The following OR51B5 variants were observed in gnomAD, a reference collection of about 807,000 sequenced individuals.
OR51B5 encodes the protein olfactory receptor family 51 subfamily B member 5, also known as olfactory receptor 51B5.
For missense variants in OR51B5, 456 were observed against 374.6 expected (o/e 1.22, Z -1.79); for synonymous variants, 186 against 144.8 (o/e 1.28, Z -2.04).
At chr11:5,472,718 A>T (rs1381346488) in intron 1 of OR51B5, among the ~76,000 whole-genome samples, 2 of 152,226 alleles carry the variant, frequency 1.3e-5, no homozygotes, top group Non-Finnish European at 2.9e-5. Flanking sequence ...ATTTTGTAGG[A>T]GAGCTGACGC....
intron 1 of OR51B5, among the ~76,000 whole-genome samples, chr11:5,376,068 C>T (rs1446680965): frequency 6.6e-6 from 1 of 152,064 alleles, no homozygotes; most frequent in Non-Finnish European, 1.5e-5. Flanking sequence ...GGAAGTAAAG[C>T]TCTCCTCAGC....
chr11:5,343,691 T>G, upstream of OR51B5: 1 of 522,762 alleles, frequency 1.9e-6, no homozygotes, highest in Non-Finnish European at 3.3e-6. Context: ...TCAGGGTTAC[T>G]CATACTATTT....
chr11:5,343,166 C>T (rs369290068), exon 1 of OR51B5: 147 of 1,613,746 alleles, frequency 9.1e-5, no homozygotes, highest in African/African-American at 3.7e-4. Context: ...GGCAATAAAA[C>T]GGTCATAGGC....
intron 1 of OR51B5, among the ~76,000 whole-genome samples, chr11:5,373,717 T>C (rs1015316632): frequency 1.3e-5 from 2 of 152,192 alleles, no homozygotes; most frequent in African/African-American, 4.8e-5. Flanking sequence ...CCACGGAGTC[T>C]CCCTGATTGC....
chr11:5,376,060 A>C (rs185665719), intron 1 of OR51B5, among the ~76,000 whole-genome samples: 5 of 152,174 alleles, frequency 3.3e-5, no homozygotes, highest in African/African-American at 9.7e-5. Flanking sequence ...ACATACTTGG[A>C]AGTAAAGCTC....
intron 1 of OR51B5, among the ~76,000 whole-genome samples, chr11:5,442,469 A>C (rs1034062563): frequency 3.1e-4 from 47 of 152,022 alleles, no homozygotes. Flanking sequence ...GTGGATATTC[A>C]TTCTCTCCCT....
chr11:5,376,173 C>G (rs1053650012), intron 1 of OR51B5, among the ~76,000 whole-genome samples: 3 of 151,920 alleles, frequency 2.0e-5, no homozygotes, highest in African/African-American at 7.3e-5. Context: ...CAAAACCACT[C>G]AACTACATGG....
At chr11:5,475,075 T>C (rs746344617) in intron 1 of OR51B5, among the ~76,000 whole-genome samples, 1 of 152,180 alleles carries the variant, frequency 6.6e-6, no homozygotes, top group African/African-American at 2.4e-5. Flanking sequence ...AAATCCTGAA[T>C]ATTTTTCTGC....
rs143141159 is a variant in OR51B5, at chr11:5,422,232, G to C, written n.85-75322C>G. The C allele has an allele frequency of 3.1e-6, 5 of 1,612,814 alleles. No individual in the cohort carries two copies. In the African/African-American group the frequency reaches 5.3e-5, roughly 17 times the overall value. ...CAGGTGACTAACACCACACAAGAAG[G>C]CATCTACTTCATCCTCACGGACATC... On this transcript the variant is annotated intron_variant and non_coding_transcript_variant, in intron 1 of 4. Transcript: ENST00000415970.
intron 1 of OR51B5, among the ~76,000 whole-genome samples, chr11:5,436,897 AC>A (rs35829039): frequency 0.41 from 62,736 of 151,750 alleles, 14,765 homozygotes; most frequent in Non-Finnish European, 0.53. Flanking sequence ...GAGGCAGAGG[AC>A]CAGAACTCAC....
intron 1 of OR51B5, among the ~76,000 whole-genome samples, chr11:5,449,128 T>C (rs1850809219): frequency 6.6e-6 from 1 of 152,216 alleles, no homozygotes; most frequent in Non-Finnish European, 1.5e-5. Flanking sequence ...GAGCAGAGAA[T>C]TGGTCTGACA....
Position 5,352,531 on chromosome 11 carries a change from A to G in OR51B5, n.85-5621T>C, listed in dbSNP as rs1167351295. 14 of 803,370 alleles carry G rather than the reference A, an allele frequency of 1.7e-5. No homozygotes were observed. The East Asian group carries it at 3.4e-4, about 20-fold the overall frequency. 49.8% of individuals were successfully genotyped at this position (803,370 alleles called of 1,614,324 possible). On this transcript the variant is annotated intron_variant and non_coding_transcript_variant, in intron 1 of 4. Transcript: ENST00000415970. ...CCAGCATAAGTAACTAGGGAAAGTC[A>G]TTTCAATGAGAACTAATCAATCCCT...
chr11:5,399,570 C>T (rs1442322565), intron 1 of OR51B5, among the ~76,000 whole-genome samples: 5 of 152,114 alleles, frequency 3.3e-5, no homozygotes, highest in Non-Finnish European at 5.9e-5. Flanking sequence ...CCACATTCTA[C>T]TTTTTTTCTG....
At chr11:5,422,489 G>A in intron 1 of OR51B5, 3 of 1,614,162 alleles carry the variant, frequency 1.9e-6, no homozygotes, top group Non-Finnish European at 2.5e-6. Flanking sequence ...AATCAGCTCT[G>A]AGGCCTGTTT....
chr11:5,395,804 G>A (rs951747), intron 1 of OR51B5, among the ~76,000 whole-genome samples: 80,562 of 151,984 alleles, frequency 0.53, 21,866 homozygotes, highest in African/African-American at 0.65. Context: ...AAGAGCTCAT[G>A]GCTTCCCACT....
intron 1 of OR51B5, among the ~76,000 whole-genome samples, chr11:5,418,892 C>A (rs1455318413): frequency 1.6e-4 from 8 of 50,770 alleles, no homozygotes; most frequent in Non-Finnish European, 2.1e-4. Context: ...AAAAAAAAAG[C>A]ATCATCTGGT....
chr11:5,484,103 C>T (rs1292959437), intron 1 of OR51B5, among the ~76,000 whole-genome samples: 8 of 152,144 alleles, frequency 5.3e-5, no homozygotes, highest in Non-Finnish European at 1.5e-5. Flanking sequence ...TCTGCATGCT[C>T]CACCTGCAAA....
intron 1 of OR51B5, chr11:5,455,246 T>G (rs1373927081): frequency 9.2e-5 from 14 of 151,978 alleles, no homozygotes; most frequent in Admixed American, 9.2e-4. Flanking sequence ...GGAATTGTGG[T>G]AGGGGCACAA....
chr11:5,412,681 G>C lies in OR51B5; in HGVS notation n.85-65771C>G, dbSNP rs549426204. On this transcript the variant is annotated intron_variant and non_coding_transcript_variant, in intron 1 of 4. Coordinates refer to the OR51B5 transcript ENST00000415970. Reference sequence around the variant, plus strand: ...GAGGGTCCTACGCCGACGGAGTCTCGCTGATTCCTAGCACAGCAGTCTGCG... The same window carrying C: ...GAGGGTCCTACGCCGACGGAGTCTCCCTGATTCCTAGCACAGCAGTCTGCG... 3.9e-5 allele frequency among the ~76,000 whole-genome samples: 6 copies of C among 152,098 alleles called. No homozygotes were observed. In the South Asian group the frequency reaches 8.3e-4, roughly 21 times the overall value.
Sources: gnomAD v4.1 joint callset for allele counts (sites outside exome capture counted in the v4.1 genomes callset) on GRCh38, gnomAD v4.1.1 for gene constraint, MANE v1.5 for transcripts, NCBI Gene and HGNC (gene_info 2026-07-23, HGNC 2026-07-21) for gene names.